The following SRCIN1 variants were observed in gnomAD, a reference collection of about 807,000 sequenced individuals.
The protein encoded by SRCIN1 is SRC kinase signaling inhibitor 1.
In SRCIN1, 50 loss-of-function variants were observed where a neutral mutation model predicts 116.2. The observed-to-expected ratio is 0.43, with a 90% confidence interval of 0.34 to 0.54. The LOEUF (loss-of-function observed/expected upper bound fraction) is 0.54. SRCIN1 is among the 20% of genes least tolerant of loss of function. SRCIN1 has a pLI of 0.02. For synonymous variants in SRCIN1, 736 were observed against 750.0 expected (o/e 0.98, Z 0.30); for missense variants, 1,446 against 1,672.0 (o/e 0.86, Z 2.36).
rs115618292 is a variant in SRCIN1 at position 38,577,228 on chromosome 17, C to T, written c.324+1262G>A. ...TAAACCCCGTCCCAACTGACTGTTCCCCTCCCCAGCTAGATGACAAATGCC... is the reference window on the plus strand; with the variant it reads ...TAAACCCCGTCCCAACTGACTGTTCTCCTCCCCAGCTAGATGACAAATGCC... On this transcript the variant is annotated intron_variant, in intron 2 of 18. Coordinates refer to ENST00000617146, the MANE Select transcript of SRCIN1 (RefSeq NM_025248.3). Among the ~76,000 whole-genome samples, 705 of 152,318 alleles carry T rather than the reference C, an allele frequency of 4.6e-3. 7 individuals carry two copies. Among genetic ancestry groups the T allele is most frequent in the African/African-American group, 0.016 (665 of 41,570 alleles).
chr17:38,548,767 A>T, intron 16 of SRCIN1, 58 bp from the exon 17 acceptor site: 1 of 1,490,740 alleles, frequency 6.7e-7, no homozygotes, highest in South Asian at 1.3e-5. Context: ...GCACCAGCTC[A>T]CCTCCCAGGC....
chr17:38,583,862 T>G (rs1181580949), intron 1 of SRCIN1, among the ~76,000 whole-genome samples: 3 of 152,188 alleles, frequency 2.0e-5, no homozygotes, highest in African/African-American at 7.2e-5. Flanking sequence ...CAAAGTAGGT[T>G]GCTTTCAATG....
rs1240023432 is a variant in SRCIN1 at position 38,560,400 on chromosome 17, G to T, written c.1726C>A (p.Gln576Lys). ...ACCAGGCCTGTGAGGCTGGCAATCT[G>T]CTTCTCCATGGCCTCCATGCGCTCC... The part of the protein sequence containing the change: ...TRERMEAMEK[Q>K]IASLTGLVQS... Residue 576 changes from glutamine (Q) to lysine (K), a missense_variant, in exon 8 of 19, where the codon CAG becomes AAG. By Grantham distance (53) the Gln-to-Lys change is moderately conservative. Around this residue, in one of 5 missense-constraint regions of SRCIN1, gnomAD observed 398 missense variants for 385.6 expected, o/e 1.03. Transcript: ENST00000617146. 1 of 1,611,914 alleles carries T rather than the reference G, an allele frequency of 6.2e-7. No individual in the cohort carries two copies. The highest frequency in any genetic ancestry group is 8.5e-7 in the Non-Finnish European group (1 of 1,179,088).
At chr17:38,589,885 G>A (rs1567882034) in intron 1 of SRCIN1, among the ~76,000 whole-genome samples, 1 of 152,214 alleles carries the variant, frequency 6.6e-6, no homozygotes, top group East Asian at 1.9e-4. Flanking sequence ...AGACTCTGGA[G>A]GATGGGGCGA....
rs759902233 is a variant in SRCIN1, at chr17:38,558,257, T to C, written c.2171A>G (p.Asn724Ser). ...LVEEERLRYL[N>S]DEELITQQLN... ...CTGCTGGGTAATAAGCTCCTCGTCGTTGAGATAGCGCAGCCGTTCCTCTTC... is the reference window on the plus strand; with the variant it reads ...CTGCTGGGTAATAAGCTCCTCGTCGCTGAGATAGCGCAGCCGTTCCTCTTC... The change falls in exon 11 of 19, where the codon AAC (asparagine) becomes AGC (serine). Residue 724 changes from asparagine (N) to serine (S), a missense_variant. Physicochemically the swap from Asn to Ser is conservative, Grantham distance 46. Transcript: ENST00000617146. This position sits in a 1 kb window ranked among gnomAD's most constrained non-coding sequence, Gnocchi z 4.6. 1 of 1,612,900 alleles carries C rather than the reference T, an allele frequency of 6.2e-7. No individual in the cohort carries two copies. Among genetic ancestry groups the C allele is most frequent in the South Asian group, 1.1e-5 (1 of 91,064 alleles).
chr17:38,558,370 C>G lies in SRCIN1; in HGVS notation c.2058G>C (p.Leu686=). ...TGCTCAGCTCTGCCTCCGTGCGCTT[C>G]AGCAGCGCGCGCACCGACTCCTGGT... ...LQNQESVRAL[L]KRTEAELSMR... Residue 686 remains leucine (L), a synonymous_variant, in exon 11 of 19, where the codon CTG becomes CTC. Transcript: ENST00000617146. The surrounding 1 kb of genome is among the most constrained non-coding windows in gnomAD (Gnocchi z 4.6). 6.2e-7 allele frequency: 1 copy of G among 1,605,914 alleles called. No individual in the cohort carries two copies. The highest frequency in any genetic ancestry group is 8.5e-7 in the Non-Finnish European group (1 of 1,179,292).
chr17:38,603,163 C>T (rs891052614), intron 1 of SRCIN1, among the ~76,000 whole-genome samples: 1 of 149,572 alleles, frequency 6.7e-6, no homozygotes, highest in Non-Finnish European at 1.5e-5. Context: ...GGGTCCCTGG[C>T]GAGAGAGAGG....
Position 38,543,807 on chromosome 17 carries a change from C to T in SRCIN1, c.3417+16G>A, listed in dbSNP as rs965434699. The T allele has an allele frequency of 1.2e-6, 2 of 1,601,602 alleles. No homozygotes were observed. The highest frequency in any genetic ancestry group is 1.7e-4 in the Middle Eastern group (1 of 5,754). ...GCAGAGTGGGCCTGGGTGGCCCCCA[C>T]AGTCCCCGCCCTCACCTGCTGCTGG... is the stretch of plus-strand genomic sequence containing the variant. On this transcript the variant is annotated intron_variant, in intron 18 of 18. Transcript: ENST00000617146.
intron 1 of SRCIN1, among the ~76,000 whole-genome samples, chr17:38,599,993 C>T (rs191950760): frequency 6.6e-6 from 1 of 152,342 alleles, no homozygotes; most frequent in East Asian, 1.9e-4. Flanking sequence ...ATTATCCCAA[C>T]AATAAGTTGA....
At chr17:38,577,787 G>T (rs1390051855) in intron 2 of SRCIN1, among the ~76,000 whole-genome samples, 1 of 152,160 alleles carries the variant, frequency 6.6e-6, no homozygotes, top group African/African-American at 2.4e-5. Flanking sequence ...TCTGGGGGAG[G>T]TTTAAAAAGG....
In SRCIN1 at chr17:38,552,641, G is replaced by C. The variant is rs766071607; in HGVS notation, c.2333-47C>G. 1 of 1,613,038 alleles carries C rather than the reference G, an allele frequency of 6.2e-7. No homozygotes were observed. Among genetic ancestry groups the C allele is most frequent in the East Asian group, 2.2e-5 (1 of 44,876 alleles). On this transcript the variant is annotated intron_variant, in intron 12 of 18. Transcript: ENST00000617146. This position sits in a 1 kb window ranked among gnomAD's most constrained non-coding sequence, Gnocchi z 5.3. ...AGCTGGGGCCAGAGGGAGCACCACA[G>C]ACTGGGAGGAGAGGATGGTGGCTGG...
chr17:38,568,320 C>T lies in SRCIN1; in HGVS notation c.325-89G>A. 7.4e-7 allele frequency: 1 copy of T among 1,345,816 alleles called. No individual in the cohort carries two copies. 83.4% of individuals were successfully genotyped at this position (1,345,816 alleles called of 1,614,324 possible). A position where few individuals can be genotyped will look rare whatever the true frequency, so the allele number is the denominator to read the frequency against. On this transcript the variant is annotated intron_variant, in intron 2 of 18. Coordinates refer to ENST00000617146, the MANE Select transcript of SRCIN1 (RefSeq NM_025248.3). This position sits in a 1 kb window ranked among gnomAD's most constrained non-coding sequence, Gnocchi z 4.5. ...GGGCAGGTTAGAGACCCTTGGAACT[C>T]AGCACTCAGCCCTAGGACAAGGGCC...
At chr17:38,600,167 C>T (rs1289629622) in intron 1 of SRCIN1, among the ~76,000 whole-genome samples, 4 of 152,204 alleles carry the variant, frequency 2.6e-5, no homozygotes, top group African/African-American at 7.2e-5. Flanking sequence ...GCCCAGTCCT[C>T]CTTGGTGGCA....
Position 38,558,216 on chromosome 17 carries a change from C to G in SRCIN1, c.2201+11G>C. 6.2e-7 allele frequency: 1 copy of G among 1,608,288 alleles called. No individual in the cohort carries two copies. Among genetic ancestry groups the G allele is most frequent in the Non-Finnish European group, 8.5e-7 (1 of 1,176,144 alleles). Reference sequence around the variant, plus strand: ...CCCCCACCCCTCCCTCCGCCGCGGGCCCAGCCTCACTTGAGCTGCTGGGTA... The same window carrying G: ...CCCCCACCCCTCCCTCCGCCGCGGGGCCAGCCTCACTTGAGCTGCTGGGTA... On this transcript the variant is annotated intron_variant, in intron 11 of 18. Coordinates refer to ENST00000617146, the MANE Select transcript of SRCIN1 (RefSeq NM_025248.3). This position sits in a 1 kb window ranked among gnomAD's most constrained non-coding sequence, Gnocchi z 4.6.
intron 18 of SRCIN1, chr17:38,543,045 C>A (rs955629533): frequency 4.4e-6 from 2 of 456,352 alleles, no homozygotes; most frequent in Non-Finnish European, 8.8e-6. Flanking sequence ...CAGGAGCCAC[C>A]CTGCAGCCTC....
intron 1 of SRCIN1, among the ~76,000 whole-genome samples, chr17:38,587,180 G>A (rs1396331014): frequency 6.6e-6 from 1 of 152,058 alleles, no homozygotes; most frequent in Non-Finnish European, 1.5e-5. Flanking sequence ...GGGCAGAATT[G>A]GGTGGGGTGA....
At position 38,561,659 on chromosome 17, in the gene SRCIN1, C is replaced by A. The variant is rs765452490; in HGVS notation, c.1504G>T (p.Gly502Cys). Residue 502 changes from glycine (G) to cysteine (C), a missense_variant, in exon 7 of 19, where the codon GGC becomes TGC. Coordinates refer to ENST00000617146, the MANE Select transcript of SRCIN1 (RefSeq NM_025248.3). ...HSPYSGPPSRGSPVRQSFRKD... is the reference protein window; with the variant it reads ...HSPYSGPPSRCSPVRQSFRKD... Reference sequence around the variant, plus strand: ...CGGAAGGACTGGCGCACTGGCGAGCCGCGGCTGGGCGGCCCCGAGTAGGGG... The same window carrying A: ...CGGAAGGACTGGCGCACTGGCGAGCAGCGGCTGGGCGGCCCCGAGTAGGGG... The A allele has an allele frequency of 5.8e-6, 9 of 1,556,910 alleles. No individual in the cohort carries two copies. The highest frequency in any genetic ancestry group is 7.8e-6 in the Non-Finnish European group (9 of 1,152,412).
chr17:38,537,222 C>T (rs1392040521), intron 18 of SRCIN1, among the ~76,000 whole-genome samples: 2 of 150,626 alleles, frequency 1.3e-5, no homozygotes, highest in East Asian at 2.0e-4. Context: ...TGTGTGAAGC[C>T]GGGCTTGGTG....
chr17:38,553,682 C>G (rs1273481141), intron 11 of SRCIN1, among the ~76,000 whole-genome samples: 1 of 152,156 alleles, frequency 6.6e-6, no homozygotes, highest in Non-Finnish European at 1.5e-5. Context: ...AATTGTAAAT[C>G]AGATCAGGTC....
Sources: gnomAD v4.1 joint callset for allele counts (sites outside exome capture counted in the v4.1 genomes callset) on GRCh38, gnomAD v4.1.1 for gene constraint, gnomAD v4.1.1 regional missense constraint, Gnocchi (gnomAD v3.1) non-coding constraint, MANE v1.5 for transcripts, NCBI Gene and HGNC (gene_info 2026-07-23, HGNC 2026-07-21) for gene names.